The following TMEM63C variants were observed in gnomAD, a reference collection of about 807,000 sequenced individuals.
TMEM63C encodes transmembrane protein 63C.
A neutral mutation model predicts 99.2 loss-of-function variants in TMEM63C; 32 were observed. That is an observed-to-expected ratio of 0.32 (90% CI 0.24 to 0.43). The LOEUF (loss-of-function observed/expected upper bound fraction) is 0.43. Ranked by LOEUF, TMEM63C falls within the 20% of genes least tolerant of loss-of-function variation. The pLI, the probability that TMEM63C is intolerant of heterozygous loss-of-function variation, is 1.00. For synonymous variants in TMEM63C, 376 were observed against 397.9 expected, an observed-to-expected ratio of 0.94 and a Z score of 0.66; for missense variants, 826 against 1,053.0, an observed-to-expected ratio of 0.78 and a Z score of 2.98.
intron 19 of TMEM63C, 32 bp downstream of exon 19, chr14:77,248,541 T>C (rs1421432578): frequency 6.4e-7 from 1 of 1,562,190 alleles, no homozygotes; most frequent in South Asian, 1.2e-5. Flanking sequence ...AGCACAGCCC[T>C]CAGTTTCCTT....
In TMEM63C at chr14:77,248,500, C is replaced by T; in HGVS notation, c.1755C>T (p.Asn585=). Residue 585 remains asparagine, a synonymous_variant, in exon 19 of 24, where the codon AAC becomes AAT. Coordinates refer to ENST00000298351, the MANE Select transcript of TMEM63C (RefSeq NM_020431.4). The part of the protein sequence containing the change: ...FFSRSEPERV[N]IRKNQAIDFQ... ...CTAGATCAGAGCCAGAGAGAGTCAA[C>T]ATCAGAAAGGTACAGACTGGCTCTC... is the stretch of plus-strand genomic sequence containing the variant. 1 of 1,585,034 alleles carries T rather than the reference C, an allele frequency of 6.3e-7. No homozygotes were observed. Among genetic ancestry groups the T allele is most frequent in the Non-Finnish European group, 8.6e-7 (1 of 1,165,598 alleles).
At chr14:77,215,798 G>A (rs1016343469) in intron 2 of TMEM63C, among the ~76,000 whole-genome samples, 1 of 152,088 alleles carries the variant, frequency 6.6e-6, no homozygotes, top group African/African-American at 2.4e-5. Flanking sequence ...GCCTCCCGCA[G>A]TCTCACTTTG....
In TMEM63C at chr14:77,256,763, G is replaced by T. The variant is rs200653888; in HGVS notation, c.*37G>T. On this transcript the variant is annotated 3_prime_UTR_variant, in exon 24 of 24. Coordinates refer to ENST00000298351, the MANE Select transcript of TMEM63C (RefSeq NM_020431.4). ...GGCCTCCACTGGCGACTTGTTGAGG[G>T]GTCAGGGGAGGGCCTGGCAAGGGGA... is the stretch of plus-strand genomic sequence containing the variant. 236 of 1,597,890 alleles carry T rather than the reference G, an allele frequency of 1.5e-4. 1 individual carries two copies. In the African/African-American group the frequency reaches 2.6e-3, roughly 18 times the overall value.
At chr14:77,251,050 T>TAACATTCA (rs1391040383) in intron 21 of TMEM63C, among the ~76,000 whole-genome samples, 2 of 152,216 alleles carry the variant, frequency 1.3e-5, no homozygotes, top group East Asian at 3.8e-4. Flanking sequence ...GTCCATATTG[T>TAACATTCA]AACATTCAGT....
intron 1 of TMEM63C, among the ~76,000 whole-genome samples, chr14:77,191,538 C>CTTTTTTTTTTTT (rs71125542): frequency 2.8e-4 from 23 of 82,606 alleles, no homozygotes; most frequent in African/African-American, 8.6e-4. Context: ...TTTTCTTTTT[C>CTTTTTTTTTTTT]TTTTTTTTTT....
intron 1 of TMEM63C, among the ~76,000 whole-genome samples, chr14:77,189,240 G>A (rs1480416730): frequency 6.6e-6 from 1 of 151,308 alleles, no homozygotes; most frequent in Non-Finnish European, 1.5e-5. Flanking sequence ...CTCCTGAGTA[G>A]CTGGGACTAC....
At chr14:77,234,803 C>T (rs532531941) in intron 8 of TMEM63C, among the ~76,000 whole-genome samples, 7 of 152,298 alleles carry the variant, frequency 4.6e-5, no homozygotes, top group African/African-American at 1.7e-4. Flanking sequence ...TCTCCTACCC[C>T]AGGGGCGGTG....
At chr14:77,211,107 C>T (rs530640748) in intron 1 of TMEM63C, among the ~76,000 whole-genome samples, 82 of 152,268 alleles carry the variant, frequency 5.4e-4, no homozygotes, top group African/African-American at 1.8e-3. Flanking sequence ...CTCTGCTCTC[C>T]GCTGCATCAC....
At chr14:77,220,763 C>T (rs61991630) in intron 5 of TMEM63C, among the ~76,000 whole-genome samples, 46,075 of 151,364 alleles carry the variant, frequency 0.3, 8,550 homozygotes, top group East Asian at 0.54. Context: ...CCTGAATACT[C>T]TGAGAGGGAG....
chr14:77,196,775 T>C (rs1268726187), intron 1 of TMEM63C, among the ~76,000 whole-genome samples: 2 of 152,202 alleles, frequency 1.3e-5, no homozygotes, highest in Non-Finnish European at 2.9e-5. Flanking sequence ...AATAGTGTAG[T>C]TTCCAATGTT....
At chr14:77,200,398 C>T (rs576952793) in intron 1 of TMEM63C, among the ~76,000 whole-genome samples, 2 of 152,332 alleles carry the variant, frequency 1.3e-5, no homozygotes, top group African/African-American at 4.8e-5. Context: ...ACCTTCATCA[C>T]AAGCAAACCT....
rs756926975 is a variant in TMEM63C, at chr14:77,194,493, T to TTTTC, written c.-77+12657_-77+12660dup. Among the ~76,000 whole-genome samples the TTTTC allele has an allele frequency of 9.7e-3, 471 of 48,708 alleles. 7 individuals are homozygous for TTTTC. The highest frequency in any genetic ancestry group is 0.03 in the African/African-American group (455 of 15,406). The allele number at this position is 48,708 out of a possible 152,430, so 32.0% of individuals were successfully genotyped here. On this transcript the variant is annotated intron_variant, in intron 1 of 23. Transcript: ENST00000298351. ...CAGGGACATCCATGCCATATTTCTT[T>TTTTC]TTTCTTTCTTTCTTTCTTTCTTTCT...
chr14:77,198,994 G>A (rs1888254371), intron 1 of TMEM63C, among the ~76,000 whole-genome samples: 1 of 152,180 alleles, frequency 6.6e-6, no homozygotes, highest in South Asian at 2.1e-4. Context: ...CTGCTCTCAG[G>A]GGGCTTTCAT....
At chr14:77,195,571 C>T (rs562125448) in intron 1 of TMEM63C, among the ~76,000 whole-genome samples, 31 of 152,284 alleles carry the variant, frequency 2.0e-4, no homozygotes, top group African/African-American at 7.2e-4. Flanking sequence ...GCAAACCCTC[C>T]CCTCCTCCTG....
At chr14:77,221,417 ACTCACGCCTCCCCTCCCCACTCACC>A (rs1420623783) in intron 5 of TMEM63C, among the ~76,000 whole-genome samples, 1 of 23,334 alleles carries the variant, frequency 4.3e-5, no homozygotes, top group South Asian at 2.1e-3. Context: ...CTCCTCTCCC[ACTCACGCCTCCCCTCCCCACTCACC>A]TCCCACTCAC....
At chr14:77,250,975 G>A (rs1889350075) in intron 21 of TMEM63C, among the ~76,000 whole-genome samples, 1 of 152,160 alleles carries the variant, frequency 6.6e-6, no homozygotes, top group Non-Finnish European at 1.5e-5. Context: ...TGCGCTTTGG[G>A]GCTTTGGGCA....
At chr14:77,182,407 C>T (rs1036211148) in intron 1 of TMEM63C, among the ~76,000 whole-genome samples, 5 of 152,200 alleles carry the variant, frequency 3.3e-5, no homozygotes, top group African/African-American at 9.7e-5. Flanking sequence ...GGAACAATGC[C>T]ACCCTTTCCC....
intron 6 of TMEM63C, among the ~76,000 whole-genome samples, chr14:77,228,248 C>T (rs990172969): frequency 5.3e-5 from 8 of 152,004 alleles, no homozygotes; most frequent in Non-Finnish European, 8.8e-5. Context: ...AATTCCTGGC[C>T]CAGGAAGAGA....
At chr14:77,233,963 GTGCACCCCCAACAC>G (rs1888991212) in intron 8 of TMEM63C, among the ~76,000 whole-genome samples, 1 of 152,110 alleles carries the variant, frequency 6.6e-6, no homozygotes, top group African/African-American at 2.4e-5. Context: ...GTCTGAAGCA[GTGCACCCCCAACAC>G]TGAGCTTCAG....
Sources: allele counts gnomAD v4.1 joint callset (sites outside exome capture counted in the v4.1 genomes callset), GRCh38; gene constraint gnomAD v4.1.1; transcripts MANE v1.5; gene names NCBI Gene and HGNC (gene_info 2026-07-23, HGNC 2026-07-21).